Variants in TSHZ3 observed in about 807,000 individuals in gnomAD.
The protein encoded by TSHZ3 is teashirt homolog 3.
In TSHZ3, 10 loss-of-function variants were observed where a neutral mutation model predicts 64.5. That is an observed-to-expected ratio of 0.16 (90% confidence interval 0.10 to 0.26). The LOEUF is 0.26. Ranked by LOEUF, TSHZ3 falls within the 10% of genes least tolerant of loss-of-function variation. The pLI is 1.00. For missense variants in TSHZ3, 1,242 were observed against 1,421.7 expected (o/e 0.87, Z 2.03); for synonymous variants, 608 against 593.1 (o/e 1.03, Z -0.36).
intron 3 of TSHZ3, among the ~76,000 whole-genome samples, chr19:31,231,069 G>A (rs773273918): frequency 3.3e-5 from 5 of 151,788 alleles, no homozygotes; most frequent in Non-Finnish European, 7.4e-5. Flanking sequence ...ATAATAATGA[G>A]GATGATCACA....
At chr19:31,227,145 AC>A (rs1273132235) in intron 4 of TSHZ3, among the ~76,000 whole-genome samples, 3 of 151,416 alleles carry the variant, frequency 2.0e-5, no homozygotes, top group African/African-American at 4.9e-5. Context: ...TGCCTGGATA[AC>A]TTTTTGTATT....
chr19:31,164,574 C>G (rs1974417895), intron 5 of TSHZ3, among the ~76,000 whole-genome samples: 1 of 152,118 alleles, frequency 6.6e-6, no homozygotes, highest in Admixed American at 6.5e-5. Flanking sequence ...GAGCCAGAGC[C>G]TCGGGTCCCA....
intron 3 of TSHZ3, among the ~76,000 whole-genome samples, chr19:31,238,391 G>A (rs969829826): frequency 6.6e-6 from 1 of 151,848 alleles, no homozygotes; most frequent in South Asian, 2.1e-4. Context: ...GAGTAGCTGG[G>A]ATTACAGGCA....
chr19:31,213,496 C>T (rs895240353), intron 4 of TSHZ3, among the ~76,000 whole-genome samples: 12 of 148,076 alleles, frequency 8.1e-5, no homozygotes, highest in African/African-American at 3.0e-4. Flanking sequence ...GGATCCATGT[C>T]TTTGTACATT....
chr19:31,248,745 G>T (rs536985758), intron 1 of TSHZ3, among the ~76,000 whole-genome samples: 2 of 146,568 alleles, frequency 1.4e-5, no homozygotes, highest in Non-Finnish European at 3.0e-5. Context: ...AGCCATGATC[G>T]CACCACTGCA....
At chr19:31,258,987 G>A (rs1352014109) in intron 1 of TSHZ3, among the ~76,000 whole-genome samples, 1 of 152,122 alleles carries the variant, frequency 6.6e-6, no homozygotes, top group Admixed American at 6.5e-5. Context: ...CCAGCCCCAC[G>A]GTCTTGCTTA....
rs1976285609 is a variant in TSHZ3 at position 31,278,153 on chromosome 19, T to C, written c.1640A>G (p.Tyr547Cys). 3 of 1,614,070 alleles carry C rather than the reference T, an allele frequency of 1.9e-6. No homozygotes were observed. The African/African-American group carries it at 4.0e-5, about 22-fold the overall frequency. Residue 547 changes from tyrosine to cysteine, a missense_variant, in exon 2 of 2, where the codon TAT (tyrosine) becomes TGT (cysteine). By Grantham distance (194) the Tyr-to-Cys change is radical (BLOSUM62 -2). Transcript: ENST00000240587. The surrounding 1 kb of genome is among the most constrained non-coding windows in gnomAD (Gnocchi z 4.7). ...AQNGTPSWGG[Y>C]PSIHAAYQLP... ...TTGGTAGGCGGCATGGATGCTGGGA[T>C]AGCCCCCCCAGCTAGGAGTGCCGTT...
At chr19:31,267,392 G>A (rs1802785657) in intron 1 of TSHZ3, among the ~76,000 whole-genome samples, 1 of 152,144 alleles carries the variant, frequency 6.6e-6, no homozygotes, top group Admixed American at 6.5e-5. Context: ...AATGGGCCAT[G>A]GTGGTCAAGT....
At chr19:31,241,005 T>C (rs1384852161) in intron 3 of TSHZ3, among the ~76,000 whole-genome samples, 1 of 152,218 alleles carries the variant, frequency 6.6e-6, no homozygotes, top group Admixed American at 6.5e-5. Flanking sequence ...TCATCTTACA[T>C]TTAGTTTCTT....
intron 5 of TSHZ3, among the ~76,000 whole-genome samples, chr19:31,164,176 G>A (rs764629666): frequency 2.3e-4 from 35 of 152,148 alleles, no homozygotes; most frequent in Admixed American, 3.9e-4. Flanking sequence ...ACAGGAAAGA[G>A]AACGAGACCA....
At chr19:31,298,381 C>CA (rs1311232250) in intron 1 of TSHZ3, among the ~76,000 whole-genome samples, 2 of 152,162 alleles carry the variant, frequency 1.3e-5, no homozygotes, top group Admixed American at 1.3e-4. Flanking sequence ...GCCAGATACT[C>CA]AGTCAATTTC....
chr19:31,198,171 C>A (rs570634573), intron 5 of TSHZ3, among the ~76,000 whole-genome samples: 35 of 152,154 alleles, frequency 2.3e-4, no homozygotes, highest in Admixed American at 2.0e-4. Context: ...TGTAATCTAC[C>A]ACATCAGCAA....
intron 1 of TSHZ3, among the ~76,000 whole-genome samples, chr19:31,283,008 T>G (rs1399080882): frequency 6.6e-6 from 1 of 152,154 alleles, no homozygotes; most frequent in Admixed American, 6.5e-5. Context: ...AGCCTAAGAC[T>G]TTTACCCACT....
chr19:31,157,578 G>A (rs903678933), intron 5 of TSHZ3, among the ~76,000 whole-genome samples: 1 of 152,194 alleles, frequency 6.6e-6, no homozygotes, highest in Non-Finnish European at 1.5e-5. Context: ...ACAAAAAAAT[G>A]TTGAAGGAAA....
At chr19:31,165,377 A>G (rs916303804) in intron 5 of TSHZ3, among the ~76,000 whole-genome samples, 13 of 149,512 alleles carry the variant, frequency 8.7e-5, no homozygotes, top group Non-Finnish European at 1.8e-4. Flanking sequence ...TTTAAAAAAC[A>G]CATTTTTTTT....
chr19:31,314,011 C>G (rs542087762), intron 1 of TSHZ3, among the ~76,000 whole-genome samples: 1 of 152,162 alleles, frequency 6.6e-6, no homozygotes, highest in Non-Finnish European at 1.5e-5. Context: ...GCCTGCTTCC[C>G]AGGTCCACAT....
chr19:31,219,518 T>C (rs1239350102), intron 4 of TSHZ3, among the ~76,000 whole-genome samples: 3 of 151,992 alleles, frequency 2.0e-5, no homozygotes, highest in South Asian at 4.1e-4. Flanking sequence ...GAATATTCTA[T>C]GGTGATGGAA....
rs778165600 is a variant in TSHZ3 at position 31,255,468 on chromosome 19, C to T, written n.64-12593G>A. 5.4e-4 allele frequency among the ~76,000 whole-genome samples: 82 copies of T among 152,116 alleles called. 1 individual carries two copies. Among genetic ancestry groups the T allele is most frequent in the Non-Finnish European group, 6.8e-4 (46 of 68,036 alleles). ...TTTGCGTCTGCCTCAAAATCATACCCGGCCTTATTTTCAAATCACTGCGCT... is the reference window on the plus strand; with the variant it reads ...TTTGCGTCTGCCTCAAAATCATACCTGGCCTTATTTTCAAATCACTGCGCT... On this transcript the variant is annotated intron_variant and non_coding_transcript_variant, in intron 1 of 6. Coordinates refer to the TSHZ3 transcript ENST00000651361.
rs987688937 is a variant in TSHZ3, at chr19:31,282,621, C to A, written c.41-2869G>T. ...GGAGCACCCCTCCCCAACACATGCACCATGAATGATATGACCAGCTCCTCT... is the reference window on the plus strand; with the variant it reads ...GGAGCACCCCTCCCCAACACATGCAACATGAATGATATGACCAGCTCCTCT... On this transcript the variant is annotated intron_variant, in intron 1 of 1. Transcript: ENST00000240587. Among the ~76,000 whole-genome samples the A allele has an allele frequency of 5.9e-5, 9 of 152,294 alleles. No individual in the cohort carries two copies. In the East Asian group the frequency reaches 1.7e-3, roughly 29 times the overall value.
Sources: allele counts gnomAD v4.1 joint callset (sites outside exome capture counted in the v4.1 genomes callset), GRCh38; gene constraint gnomAD v4.1.1; non-coding constraint Gnocchi (gnomAD v3.1); transcripts MANE v1.5; gene names NCBI Gene and HGNC (gene_info 2026-07-23, HGNC 2026-07-21).